The following CEP128 variants were observed in gnomAD, a reference collection of about 807,000 sequenced individuals.
CEP128 encodes the protein centrosomal protein 128kDa.
CEP128 carries 132 observed loss-of-function variants against 156.7 expected under a neutral mutation model. The ratio of observed to expected loss-of-function variants is 0.84; its 90% CI spans 0.73 to 0.97. The LOEUF is 0.97. Among genes scored for constraint, CEP128 ranks in the 50% least tolerant of loss-of-function variants. The pLI is 0.00. For missense variants in CEP128, 1,252 were observed against 1,281.9 expected (o/e 0.98, Z 0.36); for synonymous variants, 469 against 448.9 (o/e 1.04, Z -0.57).
chr14:80,858,346 T>C (rs1420010207), intron 9 of CEP128, among the ~76,000 whole-genome samples: 2 of 135,988 alleles, frequency 1.5e-5, no homozygotes, highest in Admixed American at 7.8e-5. Flanking sequence ...TAGCCATATG[T>C]AGGAAGCTGA....
intron 19 of CEP128, among the ~76,000 whole-genome samples, chr14:80,672,988 T>G (rs925198446): frequency 1.3e-5 from 2 of 152,174 alleles, no homozygotes; most frequent in Non-Finnish European, 2.9e-5. Flanking sequence ...TCTCTAAGAT[T>G]TCCAACGTTA....
exon 15 of CEP128, chr14:80,478,065 T>G (rs975666161): frequency 6.6e-6 from 1 of 152,166 alleles, no homozygotes; most frequent in Non-Finnish European, 1.5e-5. Context: ...CCACAGTTTT[T>G]TCCCCCCTTT....
intron 20 of CEP128, among the ~76,000 whole-genome samples, chr14:80,576,759 GT>G (rs1566789740): frequency 6.6e-6 from 1 of 152,016 alleles, no homozygotes; most frequent in Non-Finnish European, 1.5e-5. Flanking sequence ...GATTGGTGTT[GT>G]TTTTTAATGG....
intron 19 of CEP128, among the ~76,000 whole-genome samples, chr14:80,609,380 A>G (rs915661045): frequency 6.6e-6 from 1 of 152,140 alleles, no homozygotes. Context: ...ATTAAGTTAG[A>G]TATCTTGAAG....
rs145508581 is a variant in CEP128, at chr14:80,644,655, T to C, written c.2807-64232A>G. On this transcript the variant is annotated intron_variant, in intron 19 of 24. Transcript: ENST00000555265. ...ATTAGGCTTTTCTGTTAATATTCAA[T>C]TCAATGCAACAACAAAATGCATATT... 1.4e-3 allele frequency among the ~76,000 whole-genome samples: 219 copies of C among 152,356 alleles called. 1 individual carries two copies. The highest frequency in any genetic ancestry group is 5.0e-3 in the African/African-American group (209 of 41,590).
intron 20 of CEP128, among the ~76,000 whole-genome samples, chr14:80,578,933 G>T (rs190033983): frequency 2.0e-4 from 30 of 152,232 alleles, no homozygotes; most frequent in African/African-American, 6.5e-4. Flanking sequence ...AACTATAAAT[G>T]TCCATAGCTA....
intron 19 of CEP128, among the ~76,000 whole-genome samples, chr14:80,682,771 G>A (rs1349290867): frequency 6.6e-6 from 1 of 152,200 alleles, no homozygotes; most frequent in Non-Finnish European, 1.5e-5. Context: ...CAAGCCAGGA[G>A]AGATTGGGGC....
At chr14:80,881,045 A>G (rs1332832261) in intron 8 of CEP128, among the ~76,000 whole-genome samples, 1 of 151,020 alleles carries the variant, frequency 6.6e-6, no homozygotes, top group Non-Finnish European at 1.5e-5. Flanking sequence ...GAATAAACCA[A>G]ACCCAAAATG....
chr14:80,600,649 TATAG>T (rs1892542531), intron 19 of CEP128, among the ~76,000 whole-genome samples: 1 of 152,194 alleles, frequency 6.6e-6, no homozygotes. Context: ...AAGGTAACTA[TATAG>T]ATAAATATTT....
chr14:80,694,077 C>A (rs565696567), intron 19 of CEP128, among the ~76,000 whole-genome samples: 3 of 152,164 alleles, frequency 2.0e-5, no homozygotes, highest in South Asian at 4.1e-4. Flanking sequence ...AAAAAACAAA[C>A]CCATCAAAAA....
intron 16 of CEP128, among the ~76,000 whole-genome samples, chr14:80,771,114 G>A (rs538276933): frequency 2.0e-5 from 3 of 152,252 alleles, no homozygotes; most frequent in South Asian, 2.1e-4. Context: ...TCACAGATAC[G>A]TTTTATGTGG....
chr14:80,758,590 A>C (rs1899795448), intron 17 of CEP128, among the ~76,000 whole-genome samples: 1 of 152,104 alleles, frequency 6.6e-6, no homozygotes. Context: ...GAACACAATA[A>C]ACCACTGCTA....
chr14:80,593,546 CAAA>C (rs780221928), intron 19 of CEP128, among the ~76,000 whole-genome samples: 2 of 77,826 alleles, frequency 2.6e-5, no homozygotes. Flanking sequence ...GACTCCATCT[CAAA>C]AAAAAAAAAA....
intron 4 of CEP128, among the ~76,000 whole-genome samples, chr14:80,909,290 C>A (rs1005833358): frequency 6.6e-6 from 1 of 151,526 alleles, no homozygotes; most frequent in Non-Finnish European, 1.5e-5. Context: ...AAAAGCAGAT[C>A]TTGCCAGCAT....
intron 8 of CEP128, among the ~76,000 whole-genome samples, chr14:80,882,240 TAATCCAATTTAA>T (rs1370832121): frequency 3.3e-5 from 5 of 151,966 alleles, no homozygotes; most frequent in Non-Finnish European, 1.5e-5. Context: ...AAAAATCTCA[TAATCCAATTTAA>T]AATGGGAAAA....
chr14:80,947,048 T>C (rs1297360336), intron 2 of CEP128, among the ~76,000 whole-genome samples: 2 of 152,136 alleles, frequency 1.3e-5, no homozygotes, highest in Non-Finnish European at 2.9e-5. Context: ...AGCACCATGA[T>C]TGTAAGTTTC....
intron 9 of CEP128, among the ~76,000 whole-genome samples, chr14:80,861,575 C>T (rs1166237029): frequency 2.0e-5 from 3 of 151,992 alleles, no homozygotes; most frequent in Non-Finnish European, 4.4e-5. Flanking sequence ...AAATGAAAGC[C>T]ATTCTACAAA....
In CEP128 at chr14:80,929,893, C is replaced by G. The variant is rs75947761; in HGVS notation, c.-16+9492G>C. Among the ~76,000 whole-genome samples, 265 of 152,348 alleles carry G rather than the reference C, an allele frequency of 1.7e-3. 8 individuals carry two copies. In the East Asian group the frequency reaches 0.048, roughly 27 times the overall value. ...CCAGCCATGAGCCAAGGACCACTAC[C>G]AGTCCGTGGCCTGTTAGGAACCGGG... is the stretch of plus-strand genomic sequence containing the variant. On this transcript the variant is annotated intron_variant, in intron 2 of 24. Coordinates refer to ENST00000555265, the MANE Select transcript of CEP128 (RefSeq NM_152446.5).
chr14:80,762,418 CATCTTCAACT>C (rs1012678074), intron 16 of CEP128, among the ~76,000 whole-genome samples: 1 of 151,980 alleles, frequency 6.6e-6, no homozygotes, highest in African/African-American at 2.4e-5. Context: ...GTAACCTAAC[CATCTTCAACT>C]GGCCTGCTAA....
Sources: allele counts gnomAD v4.1 joint callset (sites outside exome capture counted in the v4.1 genomes callset), GRCh38; gene constraint gnomAD v4.1.1; transcripts MANE v1.5; gene names NCBI Gene and HGNC (gene_info 2026-07-23, HGNC 2026-07-21).